Variants in RYR3 observed in about 807,000 individuals in gnomAD.
RYR3 encodes the protein brain ryanodine receptor-calcium release channel.
RYR3 carries 207 observed loss-of-function variants against 584.3 expected under a neutral mutation model. The observed-to-expected ratio is 0.35, with a 90% CI of 0.32 to 0.40. The LOEUF (loss-of-function observed/expected upper bound fraction) is 0.40. Ranked by LOEUF, RYR3 falls within the 10% of genes least tolerant of loss-of-function variation. RYR3 has a pLI of 1.00. For synonymous variants in RYR3, 2,416 were observed against 2,248.5 expected (o/e 1.07, Z -2.11); for missense variants, 5,616 against 6,089.2 (o/e 0.92, Z 2.59).
At chr15:33,631,137 G>A (rs572504627) in intron 22 of RYR3, 73 bp from the exon 23 acceptor site, 97 of 916,468 alleles carry the variant, frequency 1.1e-4, no homozygotes, top group Non-Finnish European at 1.5e-4. Context: ...TTTTCAACTC[G>A]GATGTGAATT....
chr15:33,363,328 G>A (rs974753689), intron 1 of RYR3, among the ~76,000 whole-genome samples: 10 of 152,052 alleles, frequency 6.6e-5, no homozygotes, highest in Non-Finnish European at 1.0e-4. Flanking sequence ...TTGTTGGCTC[G>A]CTAACATTTG....
chr15:33,736,686 T>A (rs548570881), intron 49 of RYR3, among the ~76,000 whole-genome samples: 1 of 152,298 alleles, frequency 6.6e-6, no homozygotes, highest in African/African-American at 2.4e-5. Flanking sequence ...AAATGTCCCT[T>A]TTCTATTCCA....
At position 33,843,368 on chromosome 15, in the gene RYR3, A is replaced by T. The variant is rs538208021; in HGVS notation, c.13210-120A>T. 25 of 663,892 alleles carry T rather than the reference A, an allele frequency of 3.8e-5. No individual in the cohort carries two copies. The South Asian group carries it at 3.8e-4, about 10-fold the overall frequency. The allele number at this position is 663,892 out of a possible 1,614,324, so 41.1% of individuals were successfully genotyped here. On this transcript the variant is annotated intron_variant, in intron 91 of 103. Coordinates refer to ENST00000634891, the MANE Select transcript of RYR3 (RefSeq NM_001036.6). ...CCAGGGTTACCCTAGAAGAGTGGTC[A>T]TCAAAGAGTAGGACGAGTCAAGTGT...
At chr15:33,481,137 G>T (rs900489499) in intron 2 of RYR3, among the ~76,000 whole-genome samples, 16 of 151,990 alleles carry the variant, frequency 1.1e-4, no homozygotes, top group Non-Finnish European at 1.9e-4. Flanking sequence ...GCTTTCTTAT[G>T]CTTACTGTTT....
At chr15:33,768,126 A>G (rs1463465741) in intron 60 of RYR3, among the ~76,000 whole-genome samples, 1 of 152,200 alleles carries the variant, frequency 6.6e-6, no homozygotes, top group Non-Finnish European at 1.5e-5. Context: ...ATGACAGAGA[A>G]TACACAATTC....
chr15:33,523,881 C>A (rs1384545924), intron 3 of RYR3, among the ~76,000 whole-genome samples: 2 of 151,986 alleles, frequency 1.3e-5, no homozygotes, highest in African/African-American at 4.8e-5. Flanking sequence ...ATAAAGGCTG[C>A]CTCTCTAGCG....
intron 1 of RYR3, among the ~76,000 whole-genome samples, chr15:33,379,118 T>G (rs7161916): frequency 0.026 from 4,026 of 152,214 alleles, 167 homozygotes; most frequent in African/African-American, 0.093. Context: ...ATAAAATGGA[T>G]AAAAGACAGA....
intron 18 of RYR3, among the ~76,000 whole-genome samples, chr15:33,609,531 G>C (rs2060067235): frequency 6.6e-6 from 1 of 152,214 alleles, no homozygotes; most frequent in African/African-American, 2.4e-5. Flanking sequence ...GCGTGCGCCT[G>C]TAGTCCCAGT....
At chr15:33,552,644 G>A (rs2056770489) in intron 10 of RYR3, among the ~76,000 whole-genome samples, 1 of 152,194 alleles carries the variant, frequency 6.6e-6, no homozygotes, top group East Asian at 1.9e-4. Flanking sequence ...TCTATGGCAG[G>A]CCAAGATATG....
intron 32 of RYR3, among the ~76,000 whole-genome samples, chr15:33,655,696 A>G (rs1255885137): frequency 6.6e-6 from 1 of 152,198 alleles, no homozygotes; most frequent in Non-Finnish European, 1.5e-5. Flanking sequence ...TGCTGCCGCA[A>G]AGGAGACAGT....
At chr15:33,834,689 C>A (rs987875529) in intron 86 of RYR3, among the ~76,000 whole-genome samples, 1 of 152,098 alleles carries the variant, frequency 6.6e-6, no homozygotes, top group African/African-American at 2.4e-5. Flanking sequence ...AAATATTGTT[C>A]TCCAGTGTAA....
At chr15:33,539,551 TG>T (rs1394774609) in intron 6 of RYR3, 89 bp downstream of exon 6, 3 of 765,010 alleles carry the variant, frequency 3.9e-6, no homozygotes, top group South Asian at 3.1e-5. Flanking sequence ...CACAGCAGGT[TG>T]GATAGAATAA....
At chr15:33,464,489 T>TATATACACAC (rs1450450145) in intron 1 of RYR3, among the ~76,000 whole-genome samples, 14 of 67,426 alleles carry the variant, frequency 2.1e-4, no homozygotes, top group African/African-American at 1.2e-3. Flanking sequence ...TATATATATA[T>TATATACACAC]ACACATATAT....
intron 16 of RYR3, among the ~76,000 whole-genome samples, chr15:33,598,788 T>C (rs1595772153): frequency 2.0e-5 from 3 of 151,684 alleles, no homozygotes; most frequent in Admixed American, 2.0e-4. Flanking sequence ...GTGCAGTGGC[T>C]CACGCCTGTA....
At chr15:33,568,708 G>A (rs74565287) in intron 12 of RYR3, among the ~76,000 whole-genome samples, 20,430 of 152,088 alleles carry the variant, frequency 0.13, 1,972 homozygotes, top group African/African-American at 0.27. Flanking sequence ...TGGCATTATA[G>A]GCATGAGCCA....
At chr15:33,346,903 G>T (rs1972523687) in intron 1 of RYR3, among the ~76,000 whole-genome samples, 1 of 152,076 alleles carries the variant, frequency 6.6e-6, no homozygotes, top group Non-Finnish European at 1.5e-5. Flanking sequence ...AGGAGTTCGA[G>T]ACCAGCCTGG....
intron 1 of RYR3, among the ~76,000 whole-genome samples, chr15:33,360,133 A>T (rs1441272961): frequency 6.6e-6 from 1 of 152,176 alleles, no homozygotes; most frequent in Non-Finnish European, 1.5e-5. Flanking sequence ...GCGGTGCTCC[A>T]TATAAATAAA....
intron 1 of RYR3, among the ~76,000 whole-genome samples, chr15:33,460,008 A>G (rs1379740964): frequency 6.6e-6 from 1 of 152,258 alleles, no homozygotes; most frequent in East Asian, 1.9e-4. Context: ...TTCTAATTTT[A>G]TTGGTTTTTA....
intron 18 of RYR3, among the ~76,000 whole-genome samples, chr15:33,610,103 C>T (rs1370495525): frequency 1.8e-4 from 27 of 152,186 alleles, no homozygotes; most frequent in Admixed American, 1.6e-3. Flanking sequence ...AGCACTCTTG[C>T]TGTGCAGGTG....
Sources: allele counts gnomAD v4.1 joint callset (sites outside exome capture counted in the v4.1 genomes callset), GRCh38; gene constraint gnomAD v4.1.1; transcripts MANE v1.5; gene names NCBI Gene and HGNC (gene_info 2026-07-23, HGNC 2026-07-21).